Variants in NAALADL2 observed in about 807,000 individuals in gnomAD.
NAALADL2 encodes inactive N-acetylated-alpha-linked acidic dipeptidase-like protein 2.
In NAALADL2, 76 loss-of-function variants were observed where a neutral mutation model predicts 87.2. The ratio of observed to expected loss-of-function variants is 0.87; its 90% CI spans 0.72 to 1.05. NAALADL2 has a LOEUF of 1.05. Among genes scored for constraint, NAALADL2 ranks in the 50% least tolerant of loss-of-function variants. The pLI, the probability that NAALADL2 is intolerant of heterozygous loss-of-function variation, is 0.00. For synonymous variants in NAALADL2, 354 were observed against 331.0 expected (o/e 1.07, Z -0.75); for missense variants, 1,089 against 945.8 (o/e 1.15, Z -1.99).
chr3:174,612,575 G>T (rs1197475365), intron 2 of NAALADL2, among the ~76,000 whole-genome samples: 1 of 151,844 alleles, frequency 6.6e-6, no homozygotes. Context: ...GTTATTAAAA[G>T]ACTGTGATGC....
chr3:175,401,290 G>A (rs1770528543), intron 5 of NAALADL2, among the ~76,000 whole-genome samples: 1 of 152,040 alleles, frequency 6.6e-6, no homozygotes, highest in East Asian at 1.9e-4. Context: ...TTGAATTGTG[G>A]AACAATCCTG....
intron 2 of NAALADL2, chr3:175,115,368 T>C (rs992155392): frequency 2.0e-5 from 3 of 151,636 alleles, no homozygotes; most frequent in Non-Finnish European, 3.0e-5. Flanking sequence ...TCTTGACATG[T>C]TGCCATCAAA....
At position 175,576,099 on chromosome 3, in the gene NAALADL2, T is replaced by C. The variant is rs774633004; in HGVS notation, c.1712T>C (p.Ile571Thr). 1.1e-5 allele frequency: 17 copies of C among 1,612,540 alleles called. No individual in the cohort carries two copies. Among genetic ancestry groups the C allele is most frequent in the Non-Finnish European group, 1.4e-5 (16 of 1,178,690 alleles). ...TGCCCAGAAACCAATATCAGTTCTA[T>C]ACAGATACAAGGTGATGCTGATTAT... Reference protein sequence around the residue: ...AQCPETNISSIQIQGDADYFI... With the variant: ...AQCPETNISSTQIQGDADYFI... The change falls in exon 10 of 14, where the codon ATA becomes ACA. Residue 571 changes from isoleucine to threonine, a missense_variant. By Grantham distance (89) the Ile-to-Thr change is moderately conservative (BLOSUM62 -1). Transcript: ENST00000454872.
intron 2 of NAALADL2, among the ~76,000 whole-genome samples, chr3:174,580,126 G>A (rs1199854345): frequency 6.6e-6 from 1 of 151,962 alleles, no homozygotes; most frequent in Non-Finnish European, 1.5e-5. Flanking sequence ...GGAAAAATGT[G>A]TAAGGATATA....
At chr3:175,779,280 A>G (rs1750686678) in intron 13 of NAALADL2, among the ~76,000 whole-genome samples, 1 of 151,978 alleles carries the variant, frequency 6.6e-6, no homozygotes, top group Admixed American at 6.6e-5. Flanking sequence ...TTTACTCTAA[A>G]TAACAAATAG....
chr3:174,778,161 C>T (rs186847842), intron 3 of NAALADL2, among the ~76,000 whole-genome samples: 6 of 152,096 alleles, frequency 3.9e-5, no homozygotes, highest in Non-Finnish European at 7.4e-5. Flanking sequence ...GAACTCTGTC[C>T]TCAATGCCAA....
chr3:175,620,116 T>C (rs1363829732), intron 10 of NAALADL2, among the ~76,000 whole-genome samples: 1 of 151,878 alleles, frequency 6.6e-6, no homozygotes, highest in Non-Finnish European at 1.5e-5. Context: ...AGGTTTGCAC[T>C]TACCCTTCCA....
chr3:174,760,812 C>T (rs1332714289), intron 3 of NAALADL2, among the ~76,000 whole-genome samples: 2 of 152,198 alleles, frequency 1.3e-5, no homozygotes, highest in Non-Finnish European at 2.9e-5. Flanking sequence ...CTAGTTAAAC[C>T]AAACACTTGT....
intron 1 of NAALADL2, among the ~76,000 whole-genome samples, chr3:174,876,265 A>G (rs1410864280): frequency 6.6e-6 from 1 of 152,154 alleles, no homozygotes; most frequent in African/African-American, 2.4e-5. Flanking sequence ...TAAGAGCAAA[A>G]CAGAGAGACA....
At chr3:175,314,165 G>A (rs894755243) in intron 4 of NAALADL2, among the ~76,000 whole-genome samples, 14 of 150,886 alleles carry the variant, frequency 9.3e-5, no homozygotes, top group African/African-American at 3.2e-4. Context: ...TGTTACTGCC[G>A]TGTCCTGCCC....
intron 3 of NAALADL2, among the ~76,000 whole-genome samples, chr3:174,742,684 T>C (rs138997195): frequency 6.6e-6 from 1 of 151,802 alleles, no homozygotes; most frequent in Admixed American, 6.6e-5. Context: ...AATAGGAGGA[T>C]TAAACAAATG....
chr3:175,334,935 C>G (rs1402273992), intron 5 of NAALADL2, among the ~76,000 whole-genome samples: 2 of 152,174 alleles, frequency 1.3e-5, no homozygotes, highest in African/African-American at 4.8e-5. Context: ...TTTCTGCAAT[C>G]AGTCATTGGA....
chr3:175,782,861 C>G (rs563645671), intron 13 of NAALADL2, among the ~76,000 whole-genome samples: 3,886 of 146,032 alleles, frequency 0.027, 175 homozygotes, highest in African/African-American at 0.1. Flanking sequence ...AGTCTTTAAT[C>G]CATCTTGAAT....
At chr3:174,643,033 C>T (rs1333810903) in intron 2 of NAALADL2, among the ~76,000 whole-genome samples, 3 of 151,980 alleles carry the variant, frequency 2.0e-5, no homozygotes, top group East Asian at 3.9e-4. Context: ...CCTCCTACCT[C>T]GGCCTCCCAA....
At chr3:174,656,607 G>A (rs1724956679) in intron 2 of NAALADL2, among the ~76,000 whole-genome samples, 1 of 152,080 alleles carries the variant, frequency 6.6e-6, no homozygotes, top group Non-Finnish European at 1.5e-5. Flanking sequence ...TTTGTTTAAG[G>A]TTCCAGATTA....
At chr3:174,884,443 G>C (rs932845132) in intron 1 of NAALADL2, among the ~76,000 whole-genome samples, 2 of 152,166 alleles carry the variant, frequency 1.3e-5, no homozygotes, top group Non-Finnish European at 2.9e-5. Flanking sequence ...GGTAGCACCA[G>C]TGAATTCCAT....
intron 2 of NAALADL2, among the ~76,000 whole-genome samples, chr3:175,206,324 A>G (rs1450757557): frequency 7.1e-6 from 1 of 139,926 alleles, no homozygotes; most frequent in African/African-American, 2.9e-5. Context: ...ACATACATAC[A>G]CACACACACA....
At chr3:175,094,350 C>A (rs1720728752) in intron 1 of NAALADL2, among the ~76,000 whole-genome samples, 2 of 152,036 alleles carry the variant, frequency 1.3e-5, no homozygotes, top group African/African-American at 2.4e-5. Flanking sequence ...TTATAAAGCA[C>A]ATTAAAATAA....
chr3:175,154,162 C>A (rs1331517231), intron 2 of NAALADL2, among the ~76,000 whole-genome samples: 1 of 152,046 alleles, frequency 6.6e-6, no homozygotes, highest in African/African-American at 2.4e-5. Context: ...ATGCATATAC[C>A]TATTTTTCAT....
Sources: gnomAD v4.1 joint callset for allele counts (sites outside exome capture counted in the v4.1 genomes callset) on GRCh38, gnomAD v4.1.1 for gene constraint, MANE v1.5 for transcripts, NCBI Gene and HGNC (gene_info 2026-07-23, HGNC 2026-07-21) for gene names.